TLN2: variants seen among roughly 807,000 people sequenced by gnomAD.
The protein encoded by TLN2 is talin 2, also known as talin-2.
Under a neutral mutation model 294.7 loss-of-function variants are expected in TLN2, and 118 were observed. That is an observed-to-expected ratio of 0.40 (90% CI 0.34 to 0.47). TLN2 has a LOEUF of 0.47. Ranked by LOEUF, TLN2 falls within the 20% of genes least tolerant of loss-of-function variation. TLN2 has a pLI of 0.84. For missense variants in TLN2, 3,083 were observed against 3,282.2 expected (o/e 0.94, Z 1.48); for synonymous variants, 1,431 against 1,304.5 (o/e 1.10, Z -2.09).
intron 1 of TLN2, among the ~76,000 whole-genome samples, chr15:62,545,514 T>TTGTGTGTGTGTGTGTGTGTGTGTGTG (rs56777565): frequency 1.2e-4 from 17 of 146,026 alleles, no homozygotes; most frequent in African/African-American, 4.3e-4. Context: ...TTCTTTCTCT[T>TTGTGTGTGTGTGTGTGTGTGTGTGTG]TGTGTGTGTG....
intron 38 of TLN2, 118 bp downstream of exon 38, chr15:62,761,939 C>G (rs1391011697): frequency 2.2e-6 from 3 of 1,358,530 alleles, no homozygotes; most frequent in Admixed American, 3.6e-5. Flanking sequence ...GCTACTGTTA[C>G]TCTTGTCAAT....
chr15:62,450,050 C>G (rs903966310), intron 1 of TLN2, among the ~76,000 whole-genome samples: 5 of 152,174 alleles, frequency 3.3e-5, no homozygotes, highest in African/African-American at 9.7e-5. Context: ...GCCCCCGTAC[C>G]TGGACCCCAA....
chr15:62,423,032 C>T (rs1280121620), intron 1 of TLN2, among the ~76,000 whole-genome samples: 1 of 152,208 alleles, frequency 6.6e-6, no homozygotes, highest in Non-Finnish European at 1.5e-5. Context: ...GCTGGCTTCT[C>T]CCAGGGGGAA....
At position 62,842,643 on chromosome 15, in the gene TLN2, C is replaced by G. The variant is rs78900608; in HGVS notation, c.*2033C>G. The stretch of plus-strand genomic sequence containing the variant: ...CAGGACCAAGGCAGGGGCAGGCAGC[C>G]AGTTCTTCCACCTTGCCTCAGAGTC... On this transcript the variant is annotated 3_prime_UTR_variant, in exon 59 of 59. Transcript: ENST00000636159. 0.02 allele frequency: 3,000 copies of G among 152,222 alleles called. 45 individuals carry two copies. The highest frequency in any genetic ancestry group is 0.039 in the Admixed American group (590 of 15,286). 9.4% of individuals were successfully genotyped at this position (152,222 alleles called of 1,614,324 possible).
intron 46 of TLN2, among the ~76,000 whole-genome samples, chr15:62,795,701 G>A (rs746035408): frequency 1.3e-5 from 2 of 152,150 alleles, no homozygotes; most frequent in African/African-American, 4.8e-5. Flanking sequence ...GGATGTAATC[G>A]CCACACCTTT....
chr15:62,459,968 C>T (rs1370981942), intron 1 of TLN2, among the ~76,000 whole-genome samples: 1 of 152,144 alleles, frequency 6.6e-6, no homozygotes, highest in Non-Finnish European at 1.5e-5. Context: ...AAAGAGGCAG[C>T]GGGTGACCCA....
chr15:62,548,762 T>A (rs1210454280), intron 1 of TLN2, among the ~76,000 whole-genome samples: 1 of 152,206 alleles, frequency 6.6e-6, no homozygotes, highest in East Asian at 1.9e-4. Flanking sequence ...GGCCAGATCC[T>A]GTGGCTGCTA....
At chr15:62,525,406 A>G (rs1260370275) in intron 1 of TLN2, among the ~76,000 whole-genome samples, 1 of 152,192 alleles carries the variant, frequency 6.6e-6, no homozygotes, top group Non-Finnish European at 1.5e-5. Context: ...TCTGAAATTT[A>G]TTGAATACAT....
intron 4 of TLN2, among the ~76,000 whole-genome samples, chr15:62,648,527 G>A (rs1388536627): frequency 3.4e-5 from 5 of 146,806 alleles, no homozygotes; most frequent in African/African-American, 1.0e-4. Flanking sequence ...GGTCTAAAAC[G>A]TGATGATGAT....
intron 9 of TLN2, among the ~76,000 whole-genome samples, chr15:62,673,157 A>G (rs1316112184): frequency 6.6e-6 from 1 of 151,288 alleles, no homozygotes; most frequent in Non-Finnish European, 1.5e-5. Flanking sequence ...ATTTTTACTA[A>G]CAAGTCTACT....
chr15:62,840,507 TAAAG>T lies in TLN2; in HGVS notation c.7532_7535del (p.Lys2511SerfsTer26), dbSNP rs2070540255. ...ATCATCGCCGCCCAGGAAGAAATGC[TAAAG>T]AAAGAGCGAGAACTGGAAGAAGCAA... is the stretch of plus-strand genomic sequence containing the variant. On this transcript the variant is annotated frameshift_variant, in exon 59 of 59. Coordinates refer to ENST00000636159, the MANE Select transcript of TLN2 (RefSeq NM_015059.3). LOFTEE classifies it high-confidence loss of function. 1 of 1,614,156 alleles carries T rather than the reference TAAAG, an allele frequency of 6.2e-7. No individual in the cohort carries two copies. Among genetic ancestry groups the T allele is most frequent in the Non-Finnish European group, 8.5e-7 (1 of 1,180,024 alleles).
At chr15:62,714,742 C>CAA (rs1390279561) in intron 22 of TLN2, among the ~76,000 whole-genome samples, 1 of 151,950 alleles carries the variant, frequency 6.6e-6, no homozygotes, top group East Asian at 1.9e-4. Context: ...GTTAGACTTC[C>CAA]AAGGATTATA....
intron 1 of TLN2, among the ~76,000 whole-genome samples, chr15:62,560,874 A>G (rs554071338): frequency 5.6e-4 from 85 of 152,330 alleles, no homozygotes; most frequent in African/African-American, 2.0e-3. Context: ...CAGAACTGCA[A>G]CCGAGGCAGC....
chr15:62,504,846 T>TGTGTGTGTGTGA lies in TLN2; in HGVS notation c.-237-84840_-237-84839insTGTGTGTGTGAG, dbSNP rs1207922838. Reference sequence around the variant, plus strand: ...GTGTGTGTGTGTGTGTGTGTGTGTGTGAGAGAGAGAGAGAGAGAGAGAGAG... The same window carrying TGTGTGTGTGTGA: ...GTGTGTGTGTGTGTGTGTGTGTGTGTGTGTGTGTGTGAGAGAGAGAGAGAGAGAGAGAGAGAG... On this transcript the variant is annotated intron_variant, in intron 1 of 58. Coordinates refer to ENST00000636159, the MANE Select transcript of TLN2 (RefSeq NM_015059.3). Among the ~76,000 whole-genome samples the TGTGTGTGTGTGA allele has an allele frequency of 5.7e-3, 820 of 144,428 alleles. 11 individuals carry two copies. The highest frequency in any genetic ancestry group is 0.021 in the African/African-American group (786 of 38,072). The allele number at this position is 144,428 out of a possible 152,430, so 94.8% of individuals were successfully genotyped here. A position where few individuals can be genotyped will look rare whatever the true frequency, so the allele number is the denominator to read the frequency against.
intron 1 of TLN2, among the ~76,000 whole-genome samples, chr15:62,546,192 T>C (rs2041985557): frequency 6.6e-6 from 1 of 152,200 alleles, no homozygotes; most frequent in Non-Finnish European, 1.5e-5. Context: ...TGACGGGGGC[T>C]CTTTCCTGAC....
intron 2 of TLN2, among the ~76,000 whole-genome samples, chr15:62,601,844 A>T (rs1433756657): frequency 6.6e-6 from 1 of 152,164 alleles, no homozygotes; most frequent in Non-Finnish European, 1.5e-5. Context: ...GCGTAATTTA[A>T]TTGATGCGTT....
intron 1 of TLN2, among the ~76,000 whole-genome samples, chr15:62,522,584 T>C (rs2040515776): frequency 6.6e-6 from 1 of 152,228 alleles, no homozygotes; most frequent in Admixed American, 6.5e-5. Context: ...CAGAAGTTGC[T>C]TTTCAATAGA....
intron 1 of TLN2, among the ~76,000 whole-genome samples, chr15:62,471,885 G>C (rs921340831): frequency 6.6e-6 from 1 of 151,932 alleles, no homozygotes; most frequent in African/African-American, 2.4e-5. Flanking sequence ...GCAGCAGGAG[G>C]ATGGGGGGCA....
chr15:62,549,229 T>G (rs2042154720), intron 1 of TLN2, among the ~76,000 whole-genome samples: 1 of 152,222 alleles, frequency 6.6e-6, no homozygotes, highest in South Asian at 2.1e-4. Context: ...ATTCTTCTGT[T>G]CGGTTATTCC....
Sources: allele counts gnomAD v4.1 joint callset (sites outside exome capture counted in the v4.1 genomes callset), GRCh38; gene constraint gnomAD v4.1.1; transcripts MANE v1.5; gene names NCBI Gene and HGNC (gene_info 2026-07-23, HGNC 2026-07-21).